TEX15: variants seen among roughly 807,000 people sequenced by gnomAD.
TEX15 encodes the protein testis expressed 15, meiosis and synapsis associated.
A neutral mutation model predicts 237.3 loss-of-function variants in TEX15; 171 were observed. The observed-to-expected ratio is 0.72, with a 90% CI of 0.64 to 0.82. TEX15 has a LOEUF of 0.82. TEX15 is among the 40% of genes least tolerant of loss of function. The pLI is 0.00. For missense variants in TEX15, 3,750 were observed against 3,646.5 expected, an observed-to-expected ratio of 1.03 and a Z score of -0.73; for synonymous variants, 1,338 against 1,269.8, an observed-to-expected ratio of 1.05 and a Z score of -1.14.
At chr8:30,871,043 C>A (rs1465806175) in intron 4 of TEX15, among the ~76,000 whole-genome samples, 1 of 151,990 alleles carries the variant, frequency 6.6e-6, no homozygotes, top group Non-Finnish European at 1.5e-5. Context: ...CCAGAAAAGG[C>A]AAGCTGAGTC....
intron 2 of TEX15, among the ~76,000 whole-genome samples, chr8:30,891,364 G>C (rs1242757608): frequency 3.9e-5 from 6 of 152,076 alleles, no homozygotes; most frequent in African/African-American, 1.4e-4. Flanking sequence ...AAGAGTGTAT[G>C]GGAGTTCCAG....
intron 1 of TEX15, among the ~76,000 whole-genome samples, chr8:30,912,042 C>G (rs1027297828): frequency 6.6e-5 from 10 of 152,232 alleles, no homozygotes; most frequent in African/African-American, 2.2e-4. Context: ...CCGGGACACG[C>G]GGCACCGCAT....
At chr8:30,894,530 G>T (rs1210747673) in intron 2 of TEX15, among the ~76,000 whole-genome samples, 1 of 152,158 alleles carries the variant, frequency 6.6e-6, no homozygotes, top group Admixed American at 6.5e-5. Flanking sequence ...CAATAAAATA[G>T]GAAGAAGAGT....
chr8:30,884,842 A>G (rs1433962219), intron 3 of TEX15, among the ~76,000 whole-genome samples: 3 of 151,314 alleles, frequency 2.0e-5, no homozygotes, highest in African/African-American at 7.3e-5. Context: ...TTCTGCTCTA[A>G]TTTTTATTAT....
rs188066851 is a variant in TEX15, at chr8:30,885,676, T to C, written c.136+1491A>G. 2.7e-4 allele frequency among the ~76,000 whole-genome samples: 41 copies of C among 152,312 alleles called. 1 individual carries two copies. The highest frequency in any genetic ancestry group is 9.1e-4 in the African/African-American group (38 of 41,556). ...GTCCTGTGTGTGCTTGAGAAGAATG[T>C]CTAACGTGCTACTGTTGAATGGAAT... On this transcript the variant is annotated intron_variant, in intron 3 of 10. Coordinates refer to ENST00000643185, the MANE Select transcript of TEX15 (RefSeq NM_001350162.2).
At chr8:30,860,741 G>T (rs571259257) in intron 5 of TEX15, among the ~76,000 whole-genome samples, 2 of 151,536 alleles carry the variant, frequency 1.3e-5, no homozygotes, top group Admixed American at 6.6e-5. Context: ...GTAGAGATGG[G>T]GTTTTGCCAT....
Position 30,845,926 on chromosome 8 carries a change from TTTGG to T in TEX15, c.4237_4240del (p.Pro1413AsnfsTer5), listed in dbSNP as rs766159451. On this transcript the variant is annotated frameshift_variant, in exon 8 of 11. Coordinates refer to ENST00000643185, the MANE Select transcript of TEX15 (RefSeq NM_001350162.2). LOFTEE classifies it high-confidence loss of function. The stretch of plus-strand genomic sequence containing the variant: ...ATTATTGCATATTATTGCATATGAT[TTTGG>T]TAATGGGCCCTTTCTTTCTTCTCCT... 4 of 1,613,414 alleles carry T rather than the reference TTTGG, an allele frequency of 2.5e-6. No homozygotes were observed. The South Asian group carries it at 4.4e-5, about 18-fold the overall frequency.
chr8:30,840,258 C>T (rs537209099), intron 8 of TEX15, among the ~76,000 whole-genome samples: 14 of 151,608 alleles, frequency 9.2e-5, no homozygotes, highest in Admixed American at 3.9e-4. Context: ...TGCAGTGATG[C>T]GATATTGGCT....
chr8:30,899,445 T>C (rs1475457579), intron 1 of TEX15, among the ~76,000 whole-genome samples: 1 of 152,054 alleles, frequency 6.6e-6, no homozygotes, highest in Non-Finnish European at 1.5e-5. Context: ...CTCCGTTCTT[T>C]TTGTGTGTGC....
chr8:30,870,600 AT>A (rs1808271930), intron 4 of TEX15, among the ~76,000 whole-genome samples: 1 of 152,018 alleles, frequency 6.6e-6, no homozygotes, highest in South Asian at 2.1e-4. Context: ...ATCTTTAAAG[AT>A]AACTTAATAA....
At chr8:30,883,063 G>A (rs1263722728) in intron 3 of TEX15, among the ~76,000 whole-genome samples, 1 of 152,088 alleles carries the variant, frequency 6.6e-6, no homozygotes, top group African/African-American at 2.4e-5. Context: ...GAGCCACCAT[G>A]ACTGGCCCTG....
chr8:30,903,942 G>A (rs1323553429), intron 1 of TEX15, among the ~76,000 whole-genome samples: 1 of 152,182 alleles, frequency 6.6e-6, no homozygotes, highest in East Asian at 1.9e-4. Context: ...CAAACTGAGT[G>A]TATTCTCTGC....
At chr8:30,880,113 C>A (rs1330139470) in intron 3 of TEX15, among the ~76,000 whole-genome samples, 1 of 152,124 alleles carries the variant, frequency 6.6e-6, no homozygotes, top group Non-Finnish European at 1.5e-5. Context: ...ATTGCAACCT[C>A]CCCCTCCTGG....
At chr8:30,859,142 A>T (rs1159823355) in intron 6 of TEX15, among the ~76,000 whole-genome samples, 1 of 152,100 alleles carries the variant, frequency 6.6e-6, no homozygotes, top group East Asian at 1.9e-4. Flanking sequence ...GGTAGAAAAA[A>T]TTAGGAAAAT....
At chr8:30,873,323 T>C (rs1261584388) in intron 4 of TEX15, among the ~76,000 whole-genome samples, 1 of 152,184 alleles carries the variant, frequency 6.6e-6, no homozygotes, top group Non-Finnish European at 1.5e-5. Flanking sequence ...CTTGCAAAGC[T>C]GAACTGTGAA....
rs1039860276 is a variant in TEX15 at position 30,847,208 on chromosome 8, T to C, written c.2959A>G (p.Ile987Val). 1 of 1,613,866 alleles carries C rather than the reference T, an allele frequency of 6.2e-7. No homozygotes were observed. The highest frequency in any genetic ancestry group is 1.3e-5 in the African/African-American group (1 of 74,936). ...VCVASNAAIQ[I>V]ASATMPALSL... ...AATGCAGGCATAGTAGCACTAGCTA[T>C]CTGTATTGCAGCATTTGAGGCTACA... Residue 987 changes from isoleucine (I) to valine (V), a missense_variant, in exon 8 of 11, where the codon ATA becomes GTA. Physicochemically the swap from Ile to Val is conservative, Grantham distance 29. Transcript: ENST00000643185.
At chr8:30,874,012 C>A (rs1363445170) in intron 4 of TEX15, among the ~76,000 whole-genome samples, 4 of 152,044 alleles carry the variant, frequency 2.6e-5, no homozygotes, top group Non-Finnish European at 4.4e-5. Context: ...AACCAAAGAA[C>A]CGTGTCAGGA....
chr8:30,910,481 C>T (rs1809194217), intron 1 of TEX15, among the ~76,000 whole-genome samples: 1 of 152,062 alleles, frequency 6.6e-6, no homozygotes, highest in Non-Finnish European at 1.5e-5. Flanking sequence ...TAGAGTCTGA[C>T]TCTGTTGCCC....
rs1807654511 is a variant in TEX15 at position 30,847,723 on chromosome 8, A to G, written c.2444T>C (p.Val815Ala). The G allele has an allele frequency of 1.9e-6, 3 of 1,613,758 alleles. No homozygotes were observed. Among genetic ancestry groups the G allele is most frequent in the Non-Finnish European group, 1.7e-6 (2 of 1,179,904 alleles). ...CVHRKNENEPVSLENIQRDYK... is the reference protein window; with the variant it reads ...CVHRKNENEPASLENIQRDYK... ...GTCTCTCTGAATGTTCTCTAATGAC[A>G]CTGGTTCATTTTCATTTTTCCTATG... is the stretch of plus-strand genomic sequence containing the variant. The change falls in exon 8 of 11, where the codon GTG (valine) becomes GCG (alanine). Residue 815 changes from valine (V) to alanine (A), a missense_variant. Transcript: ENST00000643185.
Sources: gnomAD v4.1 joint callset for allele counts (sites outside exome capture counted in the v4.1 genomes callset) on GRCh38, gnomAD v4.1.1 for gene constraint, MANE v1.5 for transcripts, NCBI Gene and HGNC (gene_info 2026-07-23, HGNC 2026-07-21) for gene names.